MDGA2: variants seen among roughly 807,000 people sequenced by gnomAD.
MDGA2 encodes MAM domain containing glycosylphosphatidylinositol anchor 2, also known as MAM domain-containing glycosylphosphatidylinositol anchor protein 2.
MDGA2 carries 40 observed loss-of-function variants against 117.8 expected under a neutral mutation model. The observed-to-expected ratio is 0.34, with a 90% CI of 0.26 to 0.44. The LOEUF is 0.44. Among genes scored for constraint, MDGA2 ranks in the 20% least tolerant of loss-of-function variants. The pLI, the probability that MDGA2 is intolerant of heterozygous loss-of-function variation, is 1.00. For synonymous variants in MDGA2, 452 were observed against 439.0 expected (o/e 1.03, Z -0.37); for missense variants, 1,123 against 1,250.6 (o/e 0.90, Z 1.54).
At chr14:47,484,692 G>A (rs1894021752) in intron 1 of MDGA2, among the ~76,000 whole-genome samples, 1 of 152,120 alleles carries the variant, frequency 6.6e-6, no homozygotes, top group Non-Finnish European at 1.5e-5. Flanking sequence ...TTGTGGGAGG[G>A]ACCCCGTGGG....
chr14:47,526,352 T>C (rs751841819), intron 1 of MDGA2, among the ~76,000 whole-genome samples: 6 of 152,174 alleles, frequency 3.9e-5, no homozygotes, highest in Non-Finnish European at 7.3e-5. Flanking sequence ...TTTATTTTAT[T>C]CTAGAAGGCA....
intron 1 of MDGA2, among the ~76,000 whole-genome samples, chr14:47,365,866 G>C (rs1330717011): frequency 2.0e-5 from 3 of 152,118 alleles, no homozygotes; most frequent in Admixed American, 2.0e-4. Flanking sequence ...TTAATGCCAT[G>C]CCAAGGCATA....
At chr14:46,864,608 A>G (rs868855257) in intron 14 of MDGA2, among the ~76,000 whole-genome samples, 27 of 142,966 alleles carry the variant, frequency 1.9e-4, no homozygotes, top group Non-Finnish European at 3.7e-4. Context: ...TGTGTCAAAA[A>G]AAAAAAAAAA....
intron 1 of MDGA2, among the ~76,000 whole-genome samples, chr14:47,596,925 T>A (rs2138869858): frequency 6.6e-6 from 1 of 152,240 alleles, no homozygotes; most frequent in East Asian, 1.9e-4. Flanking sequence ...AACTAATATA[T>A]CCTGGTAGAT....
chr14:47,316,843 C>G (rs73238741), intron 1 of MDGA2, among the ~76,000 whole-genome samples: 6,160 of 152,064 alleles, frequency 0.041, 137 homozygotes, highest in Middle Eastern at 0.058. Context: ...AATGAATAGT[C>G]AAAAAGTGAC....
intron 6 of MDGA2, among the ~76,000 whole-genome samples, chr14:47,089,076 G>A (rs1292361198): frequency 6.6e-6 from 1 of 152,146 alleles, no homozygotes; most frequent in African/African-American, 2.4e-5. Flanking sequence ...TCTGAAGACT[G>A]AGTATTGTTG....
At chr14:47,454,106 C>T (rs1048226653) in intron 1 of MDGA2, among the ~76,000 whole-genome samples, 7 of 152,158 alleles carry the variant, frequency 4.6e-5, no homozygotes, top group Admixed American at 1.3e-4. Context: ...ATTGTGAAAA[C>T]GGCCCCCAAT....
At chr14:47,238,775 C>A (rs1360894648) in intron 2 of MDGA2, among the ~76,000 whole-genome samples, 15 of 151,596 alleles carry the variant, frequency 9.9e-5, no homozygotes, top group Admixed American at 9.9e-4. Context: ...TCATTAATTT[C>A]TCCACATATA....
chr14:47,204,573 C>G (rs1333801808), intron 3 of MDGA2, among the ~76,000 whole-genome samples: 1 of 151,888 alleles, frequency 6.6e-6, no homozygotes, highest in Admixed American at 6.6e-5. Context: ...TTATCTCATT[C>G]CTCTAATTCC....
chr14:46,856,534 T>C (rs1256894565), intron 14 of MDGA2, among the ~76,000 whole-genome samples: 1 of 152,116 alleles, frequency 6.6e-6, no homozygotes, highest in East Asian at 1.9e-4. Flanking sequence ...TTATAGAGTG[T>C]CATATTAATG....
At position 47,106,791 on chromosome 14, in the gene MDGA2, T is replaced by G. The variant is rs1880716850; in HGVS notation, c.926-9668A>C. 4.1e-5 allele frequency among the ~76,000 whole-genome samples: 6 copies of G among 145,110 alleles called. No individual in the cohort carries two copies. The South Asian group carries it at 1.1e-3, about 26-fold the overall frequency. On this transcript the variant is annotated intron_variant, in intron 5 of 16. Coordinates refer to ENST00000399232, the MANE Select transcript of MDGA2 (RefSeq NM_001113498.3). ...CTACTCACTCCACATTACCCTCTTTTCAAGGGCCCGTTTCCCTTGCTTCCA... is the reference window on the plus strand; with the variant it reads ...CTACTCACTCCACATTACCCTCTTTGCAAGGGCCCGTTTCCCTTGCTTCCA...
intron 1 of MDGA2, among the ~76,000 whole-genome samples, chr14:47,656,757 CT>C (rs1342245068): frequency 6.6e-6 from 1 of 152,118 alleles, no homozygotes; most frequent in Admixed American, 6.6e-5. Context: ...AGATTGTATT[CT>C]TTTAAAAAGG....
At chr14:47,377,314 G>A (rs771139640) in intron 1 of MDGA2, among the ~76,000 whole-genome samples, 1 of 152,146 alleles carries the variant, frequency 6.6e-6, no homozygotes, top group Admixed American at 6.5e-5. Context: ...CAGAAGACGG[G>A]TGATTTCTGC....
intron 1 of MDGA2, among the ~76,000 whole-genome samples, chr14:47,666,097 C>T (rs995095017): frequency 3.2e-5 from 4 of 125,774 alleles, no homozygotes; most frequent in African/African-American, 1.2e-4. Context: ...CACTCTGTAT[C>T]TAGCTCAAGG....
intron 1 of MDGA2, among the ~76,000 whole-genome samples, chr14:47,436,542 C>G (rs1017413479): frequency 6.6e-6 from 1 of 152,022 alleles, no homozygotes; most frequent in Non-Finnish European, 1.5e-5. Flanking sequence ...CAACATATTT[C>G]TTTATAATAC....
At chr14:46,937,258 T>A (rs1884818877) in intron 9 of MDGA2, among the ~76,000 whole-genome samples, 1 of 83,216 alleles carries the variant, frequency 1.2e-5, no homozygotes, top group Non-Finnish European at 2.4e-5. Context: ...ACAAAGGAAG[T>A]AAAAGATCTT....
rs1350859972 is a variant in MDGA2, at chr14:47,106,602, T to C, written c.926-9479A>G. ...CTCCCAGAGCCCCTGGAACTTTGGC[T>C]CAAGGCTCTCTGACTGACTCCTTCC... On this transcript the variant is annotated intron_variant, in intron 5 of 16. Transcript: ENST00000399232. 4.0e-4 allele frequency among the ~76,000 whole-genome samples: 61 copies of C among 152,088 alleles called. 1 individual carries two copies. Among genetic ancestry groups the C allele is most frequent in the South Asian group, 1.9e-3 (9 of 4,822 alleles).
intron 1 of MDGA2, among the ~76,000 whole-genome samples, chr14:47,525,127 G>A (rs574009501): frequency 9.2e-5 from 14 of 152,234 alleles, no homozygotes; most frequent in Admixed American, 9.2e-4. Flanking sequence ...CTTGCAGCTT[G>A]CATCCTAACT....
intron 9 of MDGA2, among the ~76,000 whole-genome samples, chr14:46,929,601 GTATATATATATATATATATATATATATA>G (rs756528353): frequency 0.013 from 163 of 12,686 alleles, 18 homozygotes; most frequent in Non-Finnish European, 0.022. Context: ...GTGTGTGTGT[GTATATATATATATATATATATATATATA>G]TATATATATA....
Sources: allele counts gnomAD v4.1 joint callset (sites outside exome capture counted in the v4.1 genomes callset), GRCh38; gene constraint gnomAD v4.1.1; transcripts MANE v1.5; gene names NCBI Gene and HGNC (gene_info 2026-07-23, HGNC 2026-07-21).